HGSNAT: variants seen among roughly 807,000 people sequenced by gnomAD.
HGSNAT encodes heparan-alpha-glucosaminide N-acetyltransferase.
HGSNAT carries 59 observed loss-of-function variants against 85.2 expected under a neutral mutation model. That is an observed-to-expected ratio of 0.69 (90% confidence interval 0.56 to 0.86). The LOEUF (loss-of-function observed/expected upper bound fraction) is 0.86, where lower values mean the gene tolerates loss of function less well. Among genes scored for constraint, HGSNAT ranks in the 40% least tolerant of loss-of-function variants. The pLI is 0.00. For missense variants in HGSNAT, 756 were observed against 777.1 expected (o/e 0.97, Z 0.32); for synonymous variants, 321 against 304.5 (o/e 1.05, Z -0.56).
Position 43,172,377 on chromosome 8 carries a change from A to G in HGSNAT, c.811A>G (p.Ser271Gly), listed in dbSNP as rs758094310. The G allele has an allele frequency of 6.2e-7, 1 of 1,602,586 alleles. No homozygotes were observed. Among genetic ancestry groups the G allele is most frequent in the South Asian group, 1.1e-5 (1 of 90,804 alleles). ...AAAATATTGGTACTTCAAACATGCA[A>G]GTTGGAATGGTAAGATATTTCCTAA... ...GGKYWYFKHA[S>G]WNGLTVADLV... is the part of the protein sequence containing the mutation. Residue 271 changes from serine to glycine, a missense_variant, in exon 8 of 18, where the codon AGT becomes GGT. Physicochemically the swap from Ser to Gly is moderately conservative, Grantham distance 56. Coordinates refer to ENST00000379644, the MANE Select transcript of HGSNAT (RefSeq NM_152419.3).
At chr8:43,197,495 A>G in intron 15 of HGSNAT, 177 bp from the exon 16 acceptor site, 1 of 601,228 alleles carries the variant, frequency 1.7e-6, no homozygotes, top group Non-Finnish European at 2.9e-6. Context: ...ATTTTGGGAG[A>G]GTATTTTTCA....
At chr8:43,181,227 G>C (rs1282245303) in intron 10 of HGSNAT, among the ~76,000 whole-genome samples, 3 of 132,896 alleles carry the variant, frequency 2.3e-5, no homozygotes, top group African/African-American at 8.7e-5. Context: ...GGGAGAGGGA[G>C]AGGGAGAGCA....
At position 43,178,066 on chromosome 8, in the gene HGSNAT, C is replaced by T. The variant is rs1563372012; in HGVS notation, c.852-8C>T. The T allele has an allele frequency of 1.2e-6, 2 of 1,611,246 alleles. No homozygotes were observed. Among genetic ancestry groups the T allele is most frequent in the Admixed American group, 3.3e-5 (2 of 59,956 alleles). Reference sequence around the variant, plus strand: ...ATGGCCACCTATTAATAACTAGATTCTTTTTAGGTTTGTATTTATTATGGG... The same window carrying T: ...ATGGCCACCTATTAATAACTAGATTTTTTTTAGGTTTGTATTTATTATGGG... On this transcript the variant is annotated splice_region_variant and splice_polypyrimidine_tract_variant and intron_variant, in intron 9 of 17. Transcript: ENST00000379644.
intron 11 of HGSNAT, among the ~76,000 whole-genome samples, chr8:43,187,513 C>T (rs1442242151): frequency 6.6e-6 from 1 of 152,154 alleles, no homozygotes; most frequent in Non-Finnish European, 1.5e-5. Flanking sequence ...TCCTCCATCC[C>T]TTTATTTTGA....
At chr8:43,179,213 C>A (rs1428523786) in intron 10 of HGSNAT, among the ~76,000 whole-genome samples, 5 of 151,200 alleles carry the variant, frequency 3.3e-5, no homozygotes, top group Non-Finnish European at 7.4e-5. Context: ...CCTCACCTCC[C>A]GGATGGGGCG....
chr8:43,175,030 G>C (rs375512282), intron 9 of HGSNAT, among the ~76,000 whole-genome samples: 1 of 93,218 alleles, frequency 1.1e-5, no homozygotes, highest in African/African-American at 3.5e-5. Context: ...TAATGTCCTC[G>C]AGTTCCATCC....
intron 11 of HGSNAT, among the ~76,000 whole-genome samples, chr8:43,185,865 C>T (rs1413435668): frequency 3.3e-5 from 5 of 152,124 alleles, no homozygotes; most frequent in South Asian, 2.1e-4. Context: ...TGAATTTTGT[C>T]GAAGGCCTTT....
intron 5 of HGSNAT, among the ~76,000 whole-genome samples, chr8:43,168,439 T>C (rs1803507037): frequency 7.9e-6 from 1 of 126,202 alleles, no homozygotes; most frequent in Non-Finnish European, 1.6e-5. Context: ...TTGCCCAGGC[T>C]GGAGTCCAGT....
chr8:43,151,429 C>G (rs1292928548), intron 2 of HGSNAT, among the ~76,000 whole-genome samples: 1 of 152,188 alleles, frequency 6.6e-6, no homozygotes, highest in Non-Finnish European at 1.5e-5. Flanking sequence ...TAAGCTGAAG[C>G]AGAGCGAGAC....
At chr8:43,153,605 A>T (rs560922356) in intron 2 of HGSNAT, among the ~76,000 whole-genome samples, 1 of 152,256 alleles carries the variant, frequency 6.6e-6, no homozygotes, top group Non-Finnish European at 1.5e-5. Context: ...TCTATTTTGC[A>T]ATATACATTA....
chr8:43,156,307 T>TA (rs1330914750), intron 2 of HGSNAT, among the ~76,000 whole-genome samples: 2 of 152,156 alleles, frequency 1.3e-5, no homozygotes, highest in Non-Finnish European at 2.9e-5. Flanking sequence ...AAATTTCTTT[T>TA]AAATTTTTTC....
chr8:43,189,054 G>A (rs571684214), intron 11 of HGSNAT, among the ~76,000 whole-genome samples: 31 of 152,306 alleles, frequency 2.0e-4, no homozygotes, highest in African/African-American at 7.2e-4. Context: ...ACTGGGAGGT[G>A]TCTCCCATTT....
chr8:43,181,367 G>A (rs1804117092), intron 10 of HGSNAT, among the ~76,000 whole-genome samples: 1 of 152,092 alleles, frequency 6.6e-6, no homozygotes, highest in South Asian at 2.1e-4. Context: ...CAGCAGAGCT[G>A]AGGGAAGGCT....
At chr8:43,181,251 C>T (rs1043078863) in intron 10 of HGSNAT, among the ~76,000 whole-genome samples, 9 of 145,920 alleles carry the variant, frequency 6.2e-5, no homozygotes, top group Non-Finnish European at 9.1e-5. Flanking sequence ...CATCAGCTTT[C>T]GATAGTGTGC....
intron 11 of HGSNAT, among the ~76,000 whole-genome samples, chr8:43,187,581 C>T (rs1472641344): frequency 6.6e-6 from 1 of 152,140 alleles, no homozygotes; most frequent in Non-Finnish European, 1.5e-5. Flanking sequence ...ACTGATGGGT[C>T]TTGACTCTTT....
chr8:43,172,473 A>G (rs868630625), intron 8 of HGSNAT, 87 bp downstream of exon 8: 2 of 987,956 alleles, frequency 2.0e-6, no homozygotes, highest in Non-Finnish European at 3.1e-6. Context: ...TCTCCCCAGA[A>G]ACTCCAGAAA....
intron 9 of HGSNAT, among the ~76,000 whole-genome samples, chr8:43,176,948 G>A (rs1177665588): frequency 6.6e-6 from 1 of 152,162 alleles, no homozygotes; most frequent in Non-Finnish European, 1.5e-5. Context: ...TTTTCTGGTG[G>A]AGTCTAGGTT....
rs1804939483 is a variant in HGSNAT, at chr8:43,202,268, G to A, written c.*2699G>A. On this transcript the variant is annotated 3_prime_UTR_variant, in exon 18 of 18. Coordinates refer to ENST00000379644, the MANE Select transcript of HGSNAT (RefSeq NM_152419.3). ...GGTGTGCCATAATCCCCTTCAACAGGAAATGCTTCCCAGAAGCCTCTCAGC... is the reference window on the plus strand; with the variant it reads ...GGTGTGCCATAATCCCCTTCAACAGAAAATGCTTCCCAGAAGCCTCTCAGC... The A allele has an allele frequency of 6.6e-6, 1 of 152,330 alleles. No homozygotes were observed. Among genetic ancestry groups the A allele is most frequent in the Non-Finnish European group, 1.5e-5 (1 of 68,142 alleles). The allele number at this position is 152,330 out of a possible 1,614,324, so 9.4% of individuals were successfully genotyped here.
In HGSNAT at chr8:43,191,539, G is replaced by T. The variant is rs1804529198; in HGVS notation, c.1194G>T (p.Val398=). The T allele has an allele frequency of 6.2e-7, 1 of 1,613,856 alleles. No homozygotes were observed. Among genetic ancestry groups the T allele is most frequent in the Non-Finnish European group, 8.5e-7 (1 of 1,179,894 alleles). The change falls in exon 12 of 18, where the codon GTG becomes GTT. Residue 398 remains valine, a synonymous_variant. Transcript: ENST00000379644. Reference sequence around the variant, plus strand: ...GGCCCCAGTGGCTGCTCATCCTGGTGCTGGAAGGCCTGTGGCTGGGCTTGA... The same window carrying T: ...GGCCCCAGTGGCTGCTCATCCTGGTTCTGGAAGGCCTGTGGCTGGGCTTGA... ...SSWPQWLLIL[V]LEGLWLGLTF...
Sources: allele counts gnomAD v4.1 joint callset (sites outside exome capture counted in the v4.1 genomes callset), GRCh38; gene constraint gnomAD v4.1.1; transcripts MANE v1.5; gene names NCBI Gene and HGNC (gene_info 2026-07-23, HGNC 2026-07-21).